PHLPP1: variants seen among roughly 807,000 people sequenced by gnomAD.
The protein encoded by PHLPP1 is PH domain and leucine rich repeat protein phosphatase 1, also known as PH domain leucine-rich repeat-containing protein phosphatase 1.
In PHLPP1, 42 loss-of-function variants were observed where a neutral mutation model predicts 117.2. The ratio of observed to expected loss-of-function variants is 0.36; its 90% confidence interval spans 0.28 to 0.46. PHLPP1 has a LOEUF of 0.46. Among genes scored for constraint, PHLPP1 ranks in the 20% least tolerant of loss-of-function variants. The probability of loss-of-function intolerance (pLI) is 1.00; values close to 1 mark genes in which losing one functional copy is unlikely to be tolerated. For missense variants in PHLPP1, 2,084 were observed against 2,241.9 expected, an observed-to-expected ratio of 0.93 and a Z score of 1.42; for synonymous variants, 1,042 against 970.7, an observed-to-expected ratio of 1.07 and a Z score of -1.37.
intron 10 of PHLPP1, among the ~76,000 whole-genome samples, chr18:62,928,946 C>T (rs966756116): frequency 6.6e-6 from 1 of 151,954 alleles, no homozygotes; most frequent in African/African-American, 2.4e-5. Context: ...TTGGCAAATC[C>T]ATACAGATAG....
chr18:62,794,294 A>G (rs1913557009), intron 1 of PHLPP1, among the ~76,000 whole-genome samples: 1 of 151,524 alleles, frequency 6.6e-6, no homozygotes, highest in Non-Finnish European at 1.5e-5. Flanking sequence ...ATAAATTAGT[A>G]TATTAGTCTG....
At chr18:62,765,350 T>A (rs1912434864) in intron 1 of PHLPP1, among the ~76,000 whole-genome samples, 1 of 152,226 alleles carries the variant, frequency 6.6e-6, no homozygotes, top group Non-Finnish European at 1.5e-5. Context: ...CCCCATTGCA[T>A]GAAGTGGTGG....
intron 4 of PHLPP1, among the ~76,000 whole-genome samples, chr18:62,868,865 CT>C (rs1568144133): frequency 6.6e-6 from 1 of 152,052 alleles, no homozygotes; most frequent in Non-Finnish European, 1.5e-5. Flanking sequence ...CTGGAATTAT[CT>C]TTTTAGAGAT....
chr18:62,876,478 T>G (rs529878095), intron 4 of PHLPP1, among the ~76,000 whole-genome samples: 1 of 152,236 alleles, frequency 6.6e-6, no homozygotes, highest in African/African-American at 2.4e-5. Context: ...TTTGTACTTA[T>G]CAATCCTTTT....
intron 3 of PHLPP1, 95 bp downstream of exon 3, chr18:62,839,004 C>A: frequency 7.5e-7 from 1 of 1,338,112 alleles, no homozygotes; most frequent in Non-Finnish European, 1.0e-6. Flanking sequence ...GTTAGTTACA[C>A]ACACTTTTTT....
At chr18:62,773,079 A>G (rs1313620337) in intron 1 of PHLPP1, among the ~76,000 whole-genome samples, 4 of 152,124 alleles carry the variant, frequency 2.6e-5, no homozygotes, top group Non-Finnish European at 5.9e-5. Flanking sequence ...GAATGTGGGA[A>G]GCAACAGGAA....
intron 1 of PHLPP1, among the ~76,000 whole-genome samples, chr18:62,782,518 T>C (rs1246893745): frequency 1.3e-5 from 2 of 152,232 alleles, no homozygotes; most frequent in African/African-American, 4.8e-5. Flanking sequence ...CTTAAAAGTA[T>C]CTTAGTACAG....
intron 1 of PHLPP1, among the ~76,000 whole-genome samples, chr18:62,729,666 C>G (rs1911174750): frequency 6.6e-6 from 1 of 151,704 alleles, no homozygotes; most frequent in African/African-American, 2.4e-5. Context: ...CAGAGCAAGA[C>G]TTCGTCTAAA....
chr18:62,936,056 A>G (rs1281968844), intron 10 of PHLPP1, among the ~76,000 whole-genome samples: 5 of 152,194 alleles, frequency 3.3e-5, no homozygotes, highest in Non-Finnish European at 5.9e-5. Flanking sequence ...TCATTCTTCA[A>G]CAAAAGGAAT....
chr18:62,972,819 T>G (rs1911091831), intron 15 of PHLPP1, 111 bp downstream of exon 15: 1 of 801,496 alleles, frequency 1.2e-6, no homozygotes, highest in Non-Finnish European at 2.0e-6. Context: ...GTTTTTTGAC[T>G]ATGAGTACCA....
In PHLPP1 at chr18:62,842,502, C is replaced by T. The variant is rs1479742202; in HGVS notation, c.1899+3593C>T. 2.6e-5 allele frequency among the ~76,000 whole-genome samples: 4 copies of T among 152,044 alleles called. No individual in the cohort carries two copies. In the East Asian group the frequency reaches 7.7e-4, roughly 29 times the overall value. ...TCAGCCTCCTGAGTAGCTGGGATTA[C>T]AGGCGTGCGCCACCATGCCGGGCTA... On this transcript the variant is annotated intron_variant, in intron 3 of 16. Coordinates refer to ENST00000262719, the MANE Select transcript of PHLPP1 (RefSeq NM_194449.4).
Position 62,934,108 on chromosome 18 carries a change from C to T in PHLPP1, c.2961-7610C>T, listed in dbSNP as rs572574220. Among the ~76,000 whole-genome samples, 23 of 152,216 alleles carry T rather than the reference C, an allele frequency of 1.5e-4. 1 individual carries two copies. The East Asian group carries it at 1.5e-3, about 10-fold the overall frequency. ...AAGGATATGGAGAAAAGAGAACATA[C>T]ATTGTTGGTAGGAATGTGAATTAGT... On this transcript the variant is annotated intron_variant, in intron 10 of 16. Transcript: ENST00000262719.
chr18:62,919,962 A>T lies in PHLPP1; in HGVS notation c.2808A>T (p.Leu936Phe), dbSNP rs1473616763. ...HNQICELPAR[L>F]FCNSSLRKLL... is the part of the protein sequence containing the mutation. ...TCTTTTGTCCCTTTTTATACAGCTTATTTTGTAATAGCAGTCTCCGGAAAC... is the reference window on the plus strand; with the variant it reads ...TCTTTTGTCCCTTTTTATACAGCTTTTTTTGTAATAGCAGTCTCCGGAAAC... Residue 936 changes from leucine to phenylalanine, a missense_variant, in exon 10 of 17, where the codon TTA becomes TTT. By Grantham distance (22) the Leu-to-Phe change is conservative. Around this residue, in one of 2 missense-constraint regions of PHLPP1, gnomAD observed 1,365 missense variants for 1,605.9 expected, o/e 0.85. Transcript: ENST00000262719. The T allele has an allele frequency of 6.3e-7, 1 of 1,587,716 alleles. No homozygotes were observed. Among genetic ancestry groups the T allele is most frequent in the African/African-American group, 1.3e-5 (1 of 74,514 alleles).
At chr18:62,796,695 T>C (rs1051612420) in intron 1 of PHLPP1, among the ~76,000 whole-genome samples, 1 of 152,154 alleles carries the variant, frequency 6.6e-6, no homozygotes, top group Non-Finnish European at 1.5e-5. Flanking sequence ...TGCCTTTAGA[T>C]AGAATGTGCC....
chr18:62,948,821 T>A (rs543038875), intron 12 of PHLPP1, among the ~76,000 whole-genome samples: 1 of 152,288 alleles, frequency 6.6e-6, no homozygotes, highest in East Asian at 1.9e-4. Context: ...GAACTCTGAA[T>A]TGATATTTTT....
intron 10 of PHLPP1, among the ~76,000 whole-genome samples, chr18:62,940,282 T>G (rs1910089836): frequency 6.6e-6 from 1 of 151,902 alleles, no homozygotes; most frequent in Non-Finnish European, 1.5e-5. Flanking sequence ...TTTTTTTTTT[T>G]TGGGCAATTT....
chr18:62,742,867 C>G (rs1308108239), intron 1 of PHLPP1, among the ~76,000 whole-genome samples: 1 of 152,170 alleles, frequency 6.6e-6, no homozygotes, highest in African/African-American at 2.4e-5. Context: ...GCTGTATATT[C>G]CAGCTTCCCG....
chr18:62,784,672 C>T (rs1361386057), intron 1 of PHLPP1, among the ~76,000 whole-genome samples: 4 of 152,198 alleles, frequency 2.6e-5, no homozygotes, highest in Non-Finnish European at 5.9e-5. Context: ...TACGTGTTAA[C>T]GTTTTGGACT....
At chr18:62,841,500 T>C (rs1489378659) in intron 3 of PHLPP1, among the ~76,000 whole-genome samples, 1 of 150,886 alleles carries the variant, frequency 6.6e-6, no homozygotes, top group African/African-American at 2.4e-5. Context: ...ACCCGGCTAA[T>C]TTTTTGTGTT....
Sources: gnomAD v4.1 joint callset for allele counts (sites outside exome capture counted in the v4.1 genomes callset) on GRCh38, gnomAD v4.1.1 for gene constraint, gnomAD v4.1.1 regional missense constraint, MANE v1.5 for transcripts, NCBI Gene and HGNC (gene_info 2026-07-23, HGNC 2026-07-21) for gene names.